Variants in ZNF536 observed in about 807,000 individuals in gnomAD.
ZNF536 encodes zinc finger protein 536.
A neutral mutation model predicts 84.5 loss-of-function variants in ZNF536; 13 were observed. The ratio of observed to expected loss-of-function variants is 0.15; its 90% confidence interval spans 0.10 to 0.24. ZNF536 has a LOEUF of 0.24. ZNF536 is among the 10% of genes least tolerant of loss of function. The probability of loss-of-function intolerance (pLI) is 1.00; values close to 1 mark genes in which losing one functional copy is unlikely to be tolerated. For missense variants in ZNF536, 1,536 were observed against 1,747.5 expected, an observed-to-expected ratio of 0.88 and a Z score of 2.16; for synonymous variants, 811 against 742.5, an observed-to-expected ratio of 1.09 and a Z score of -1.50.
intron 1 of ZNF536, among the ~76,000 whole-genome samples, chr19:30,609,144 A>G (rs1026923582): frequency 1.3e-5 from 2 of 152,168 alleles, no homozygotes; most frequent in African/African-American, 4.8e-5. Flanking sequence ...ACATAGTGCA[A>G]TCCCTTGCCC....
intron 1 of ZNF536, among the ~76,000 whole-genome samples, chr19:30,661,998 C>T (rs554100638): frequency 3.3e-5 from 5 of 152,082 alleles, no homozygotes; most frequent in African/African-American, 4.8e-5. Flanking sequence ...GTTTGAATAA[C>T]CATCCCCTGA....
intron 1 of ZNF536, among the ~76,000 whole-genome samples, chr19:30,246,575 C>T (rs1473521168): frequency 6.6e-6 from 1 of 152,162 alleles, no homozygotes; most frequent in African/African-American, 2.4e-5. Flanking sequence ...ACACACTGCC[C>T]CCGTCCCCAC....
chr19:30,297,164 C>T (rs1029492461), intron 2 of ZNF536, among the ~76,000 whole-genome samples: 5 of 152,194 alleles, frequency 3.3e-5, no homozygotes, highest in Non-Finnish European at 7.3e-5. Context: ...AGCATCTGCC[C>T]TTCACTTCCA....
intron 1 of ZNF536, among the ~76,000 whole-genome samples, chr19:30,604,787 A>G (rs1412178559): frequency 6.6e-6 from 1 of 152,210 alleles, no homozygotes; most frequent in East Asian, 1.9e-4. Context: ...ACGGACATTC[A>G]GAGAGGGCGA....
chr19:30,580,463 G>T (rs118119811), intron 1 of ZNF536, among the ~76,000 whole-genome samples: 2,192 of 152,312 alleles, frequency 0.014, 30 homozygotes, highest in Non-Finnish European at 0.021. Context: ...GAGAAGCCAA[G>T]ATTAGTGAGG....
At position 30,393,267 on chromosome 19, in the gene ZNF536, A is replaced by G. The variant is rs946988331; in HGVS notation, c.-3+20711A>G. 4.6e-5 allele frequency among the ~76,000 whole-genome samples: 7 copies of G among 152,334 alleles called. No homozygotes were observed. The South Asian group carries it at 6.2e-4, about 14-fold the overall frequency. ...GAGAGGAAATGAGAACTACCAGGAT[A>G]CATATGAGTCACTGAGGCTTGTTTG... On this transcript the variant is annotated intron_variant, in intron 1 of 4. Coordinates refer to ENST00000355537, the MANE Select transcript of ZNF536 (RefSeq NM_014717.3).
chr19:30,594,744 G>T (rs1378637408), intron 1 of ZNF536, among the ~76,000 whole-genome samples: 2 of 151,964 alleles, frequency 1.3e-5, no homozygotes, highest in Non-Finnish European at 2.9e-5. Flanking sequence ...CTCTTCTCCT[G>T]TTTCCCCTGC....
chr19:30,387,184 C>T (rs558868561), intron 1 of ZNF536, among the ~76,000 whole-genome samples: 1 of 152,332 alleles, frequency 6.6e-6, no homozygotes, highest in East Asian at 1.9e-4. Flanking sequence ...AGAACCTGTC[C>T]AGGCCTCAGT....
In ZNF536 at chr19:30,447,300, A is replaced by C. The variant is rs891347090; in HGVS notation, c.2170+1568A>C. ...AGATGCCAGTTTTAGCTTTGCTGTT[A>C]TAGTCTTGCTTAAGCATACTCTTCT... On this transcript the variant is annotated intron_variant, in intron 2 of 4. Transcript: ENST00000355537. Among the ~76,000 whole-genome samples, 6 of 152,248 alleles carry C rather than the reference A, an allele frequency of 3.9e-5. No individual in the cohort carries two copies. The East Asian group carries it at 1.2e-3, about 29-fold the overall frequency.
At chr19:30,545,215 T>C (rs936960968) in intron 3 of ZNF536, among the ~76,000 whole-genome samples, 1 of 152,064 alleles carries the variant, frequency 6.6e-6, no homozygotes, top group African/African-American at 2.4e-5. Flanking sequence ...GGATTGTCTT[T>C]ACATGTCTGC....
chr19:30,609,072 A>G (rs2048000110), intron 1 of ZNF536, among the ~76,000 whole-genome samples: 1 of 152,242 alleles, frequency 6.6e-6, no homozygotes, highest in African/African-American at 2.4e-5. Flanking sequence ...AACAGCTAGC[A>G]AAGTGATTGC....
intron 2 of ZNF536, among the ~76,000 whole-genome samples, chr19:30,486,519 G>A (rs964872093): frequency 6.6e-6 from 1 of 152,210 alleles, no homozygotes; most frequent in East Asian, 1.9e-4. Flanking sequence ...CATTTAGGTT[G>A]ATTCCATGTC....
chr19:30,270,712 G>A (rs1412970111), intron 1 of ZNF536, among the ~76,000 whole-genome samples: 1 of 150,826 alleles, frequency 6.6e-6, no homozygotes, highest in South Asian at 2.1e-4. Flanking sequence ...ATTTAAAAAT[G>A]CATCTCACAA....
At chr19:30,314,945 G>A (rs999016373) in intron 2 of ZNF536, among the ~76,000 whole-genome samples, 3 of 152,160 alleles carry the variant, frequency 2.0e-5, no homozygotes, top group Non-Finnish European at 4.4e-5. Context: ...CTACCTGCAG[G>A]CCTTGGCCTA....
intron 1 of ZNF536, among the ~76,000 whole-genome samples, chr19:30,435,173 A>G (rs1006052227): frequency 1.3e-5 from 2 of 149,906 alleles, no homozygotes; most frequent in Admixed American, 6.6e-5. Context: ...GGTGATGCTG[A>G]TGATGCTGCT....
At chr19:30,476,441 A>T (rs538086558) in intron 2 of ZNF536, among the ~76,000 whole-genome samples, 3 of 152,326 alleles carry the variant, frequency 2.0e-5, no homozygotes, top group African/African-American at 7.2e-5. Context: ...ACATGGATTT[A>T]CTAAGAGGGA....
chr19:30,360,888 G>T (rs1364100430), intron 3 of ZNF536, among the ~76,000 whole-genome samples: 2 of 152,152 alleles, frequency 1.3e-5, no homozygotes, highest in Non-Finnish European at 2.9e-5. Context: ...CCTCTCTGCT[G>T]CCCTGTTCGC....
intron 1 of ZNF536, among the ~76,000 whole-genome samples, chr19:30,240,851 C>T (rs972692399): frequency 1.3e-5 from 2 of 152,212 alleles, no homozygotes; most frequent in Non-Finnish European, 2.9e-5. Flanking sequence ...ACAGTAGGAA[C>T]TGCTGCGGCA....
intron 1 of ZNF536, among the ~76,000 whole-genome samples, chr19:30,576,828 AGAC>A (rs1257706278): frequency 6.6e-6 from 1 of 152,236 alleles, no homozygotes; most frequent in African/African-American, 2.4e-5. Context: ...GGGAACAGTC[AGAC>A]AAGAGGATCC....
Sources: allele counts gnomAD v4.1 joint callset (sites outside exome capture counted in the v4.1 genomes callset), GRCh38; gene constraint gnomAD v4.1.1; transcripts MANE v1.5; gene names NCBI Gene and HGNC (gene_info 2026-07-23, HGNC 2026-07-21).